Variants in ANKS1B observed in about 807,000 individuals in gnomAD.
ANKS1B encodes the protein ankyrin repeat and sterile alpha motif domain containing 1B.
ANKS1B carries 36 observed loss-of-function variants against 148.3 expected under a neutral mutation model. That is an observed-to-expected ratio of 0.24 (90% CI 0.19 to 0.32). The LOEUF (loss-of-function observed/expected upper bound fraction) is 0.32, where lower values mean the gene tolerates loss of function less well. ANKS1B is among the 10% of genes least tolerant of loss of function. ANKS1B has a pLI of 1.00. For missense variants in ANKS1B, 1,157 were observed against 1,542.6 expected, an observed-to-expected ratio of 0.75 and a Z score of 4.19; for synonymous variants, 542 against 560.8, an observed-to-expected ratio of 0.97 and a Z score of 0.47.
chr12:99,243,353 C>T (rs910147158), intron 14 of ANKS1B, among the ~76,000 whole-genome samples: 1 of 152,206 alleles, frequency 6.6e-6, no homozygotes, highest in Non-Finnish European at 1.5e-5. Flanking sequence ...GTTAGAATGG[C>T]GATCATTAAA....
chr12:99,192,131 C>A (rs1439865509), intron 14 of ANKS1B, among the ~76,000 whole-genome samples: 109 of 57,784 alleles, frequency 1.9e-3, no homozygotes, highest in Non-Finnish European at 2.2e-3. Context: ...GACTCCATCT[C>A]AAAAAAAAAA....
At chr12:99,293,450 G>A (rs1321942421) in intron 12 of ANKS1B, among the ~76,000 whole-genome samples, 1 of 152,136 alleles carries the variant, frequency 6.6e-6, no homozygotes, top group African/African-American at 2.4e-5. Flanking sequence ...GTATACCTAT[G>A]TAGCAAACCT....
intron 17 of ANKS1B, among the ~76,000 whole-genome samples, chr12:98,881,581 A>G (rs2099708237): frequency 6.6e-6 from 1 of 152,162 alleles, no homozygotes; most frequent in Admixed American, 6.6e-5. Flanking sequence ...AATATTATCC[A>G]AGATTTTTCT....
intron 17 of ANKS1B, among the ~76,000 whole-genome samples, chr12:98,857,961 G>T (rs968871770): frequency 6.6e-6 from 1 of 152,136 alleles, no homozygotes; most frequent in Non-Finnish European, 1.5e-5. Flanking sequence ...TTATCTTTTT[G>T]GGTATGTTTT....
intron 1 of ANKS1B, among the ~76,000 whole-genome samples, chr12:99,864,696 G>C (rs12821715): frequency 0.14 from 21,704 of 152,210 alleles, 1,953 homozygotes; most frequent in Non-Finnish European, 0.2. Flanking sequence ...CTGAGAGACA[G>C]CTTTTTGAGC....
intron 17 of ANKS1B, among the ~76,000 whole-genome samples, chr12:98,908,105 C>G (rs2099781886): frequency 2.0e-5 from 3 of 152,190 alleles, no homozygotes; most frequent in Admixed American, 1.3e-4. Context: ...ACTCAAGTAC[C>G]AAGCACATCC....
intron 1 of ANKS1B, among the ~76,000 whole-genome samples, chr12:99,830,266 T>C (rs2083759837): frequency 1.3e-5 from 2 of 152,188 alleles, no homozygotes; most frequent in Admixed American, 6.5e-5. Context: ...GCAGTGACCA[T>C]AGTTCCTACA....
chr12:99,104,535 G>T (rs1407978669), intron 15 of ANKS1B: 1 of 152,060 alleles, frequency 6.6e-6, no homozygotes, highest in African/African-American at 2.4e-5. Context: ...CTCAAGTTTT[G>T]ATCATCCTAT....
intron 14 of ANKS1B, among the ~76,000 whole-genome samples, chr12:99,162,443 A>G (rs2076752708): frequency 6.6e-6 from 1 of 152,202 alleles, no homozygotes; most frequent in Non-Finnish European, 1.5e-5. Context: ...ACATAATTGT[A>G]TATAAAACAT....
At chr12:99,346,708 G>A (rs1167058132) in intron 12 of ANKS1B, among the ~76,000 whole-genome samples, 1 of 151,974 alleles carries the variant, frequency 6.6e-6, no homozygotes, top group Non-Finnish European at 1.5e-5. Flanking sequence ...ATTCTGGGAT[G>A]TTATTAGATC....
At position 98,801,036 on chromosome 12, in the gene ANKS1B, T is replaced by C; in HGVS notation, c.3231A>G (p.Pro1077=). Residue 1077 remains proline (P), a synonymous_variant, in exon 21 of 27, where the codon CCA becomes CCG. Transcript: ENST00000683438. The surrounding 1 kb of genome is among the most constrained non-coding windows in gnomAD (Gnocchi z 5.2). ...CACACGACTGGAAGATAAGCTTTTC[T>C]GGGTGATGCTGCCAGTACTGTACCG... ...STPVQYWQHH[P]EKLIFQSCDY... 6.2e-7 allele frequency: 1 copy of C among 1,612,716 alleles called. No homozygotes were observed. The highest frequency in any genetic ancestry group is 8.5e-7 in the Non-Finnish European group (1 of 1,179,368).
At chr12:99,755,034 A>G (rs1036382844) in intron 8 of ANKS1B, among the ~76,000 whole-genome samples, 2 of 151,652 alleles carry the variant, frequency 1.3e-5, no homozygotes, top group Non-Finnish European at 2.9e-5. Context: ...CACGACAAAA[A>G]AAATCCAAAA....
intron 1 of ANKS1B, among the ~76,000 whole-genome samples, chr12:99,931,829 G>C (rs2094624230): frequency 6.6e-6 from 1 of 151,958 alleles, no homozygotes; most frequent in Non-Finnish European, 1.5e-5. Flanking sequence ...AATTAATGTT[G>C]ACTGTAGTCA....
chr12:99,238,571 C>T (rs576230318), intron 14 of ANKS1B, among the ~76,000 whole-genome samples: 19 of 152,298 alleles, frequency 1.2e-4, no homozygotes, highest in East Asian at 1.9e-4. Flanking sequence ...CTCAGCACAG[C>T]GTTTGAGCTC....
chr12:99,698,075 T>C (rs1196500882), intron 8 of ANKS1B, among the ~76,000 whole-genome samples: 2 of 152,094 alleles, frequency 1.3e-5, no homozygotes, highest in Admixed American at 6.6e-5. Flanking sequence ...AGGATTTCTC[T>C]GAGTATACCT....
At chr12:99,010,953 G>C (rs529250395) in intron 17 of ANKS1B, among the ~76,000 whole-genome samples, 1 of 147,686 alleles carries the variant, frequency 6.8e-6, no homozygotes, top group African/African-American at 2.5e-5. Context: ...ATATTGCCCA[G>C]GCTGGTCTTG....
At chr12:99,186,952 T>A (rs929806209) in intron 14 of ANKS1B, among the ~76,000 whole-genome samples, 2 of 149,840 alleles carry the variant, frequency 1.3e-5, no homozygotes, top group African/African-American at 4.9e-5. Flanking sequence ...ATGTTCTAAA[T>A]GAATTGCTAA....
intron 25 of ANKS1B, among the ~76,000 whole-genome samples, chr12:98,759,215 A>G (rs1347745288): frequency 6.6e-6 from 1 of 152,212 alleles, no homozygotes; most frequent in Non-Finnish European, 1.5e-5. Context: ...TATGCAGGTC[A>G]GCTTATATTT....
chr12:99,964,799 G>A (rs535829854), intron 1 of ANKS1B, among the ~76,000 whole-genome samples: 67 of 152,292 alleles, frequency 4.4e-4, no homozygotes, highest in African/African-American at 1.6e-3. Context: ...AGTCAGATAT[G>A]AAAAGGGTGA....
Sources: gnomAD v4.1 joint callset for allele counts (sites outside exome capture counted in the v4.1 genomes callset) on GRCh38, gnomAD v4.1.1 for gene constraint, Gnocchi (gnomAD v3.1) non-coding constraint, MANE v1.5 for transcripts, NCBI Gene and HGNC (gene_info 2026-07-23, HGNC 2026-07-21) for gene names.